PCDHGA9: variants seen among roughly 807,000 people sequenced by gnomAD.
PCDHGA9 encodes protocadherin gamma subfamily A, 9, also known as protocadherin gamma-A9.
PCDHGA9 carries 37 observed loss-of-function variants against 62.5 expected under a neutral mutation model. That is an observed-to-expected ratio of 0.59 (90% CI 0.46 to 0.78). The LOEUF is 0.78. PCDHGA9 is among the 30% of genes least tolerant of loss of function. The probability of loss-of-function intolerance (pLI) is 0.00; values close to 1 mark genes in which losing one functional copy is unlikely to be tolerated. For missense variants in PCDHGA9, 1,138 were observed against 1,166.2 expected, an observed-to-expected ratio of 0.98 and a Z score of 0.35; for synonymous variants, 459 against 484.6, an observed-to-expected ratio of 0.95 and a Z score of 0.69.
intron 1 of PCDHGA9, among the ~76,000 whole-genome samples, chr5:141,448,985 A>G (rs2098621528): frequency 6.6e-6 from 1 of 152,026 alleles, no homozygotes; most frequent in South Asian, 2.1e-4. Context: ...TTCCATATTA[A>G]TATATAGAAA....
At chr5:141,409,752 A>T in intron 1 of PCDHGA9, 3 of 1,613,020 alleles carry the variant, frequency 1.9e-6, no homozygotes, top group Non-Finnish European at 2.5e-6. Context: ...GTGTTCGCGC[A>T]GCGCGCCTTT....
At chr5:141,441,499 GCCT>G (rs1350774469) in intron 1 of PCDHGA9, 5 of 169,932 alleles carry the variant, frequency 2.9e-5, no homozygotes, top group African/African-American at 1.2e-4. Context: ...TTTCTACCAG[GCCT>G]CCTACGTCGT....
In PCDHGA9 at chr5:141,485,556, A is replaced by T; in HGVS notation, c.2425-9251A>T. On this transcript the variant is annotated intron_variant, in intron 1 of 3. Coordinates refer to ENST00000573521, the MANE Select transcript of PCDHGA9 (RefSeq NM_018921.3). This position sits in a 1 kb window ranked among gnomAD's most constrained non-coding sequence, Gnocchi z 5.7. ...GAGGTAGAGATCGTAGATGTGAATG[A>T]TCACGCCCCCCGTTTTCCGCGGCAG... is the stretch of plus-strand genomic sequence containing the variant. The T allele has an allele frequency of 6.2e-7, 1 of 1,613,664 alleles. No homozygotes were observed. Among genetic ancestry groups the T allele is most frequent in the Non-Finnish European group, 8.5e-7 (1 of 1,179,644 alleles).
At chr5:141,417,915 C>T in intron 1 of PCDHGA9, 1 of 1,603,354 alleles carries the variant, frequency 6.2e-7, no homozygotes. Flanking sequence ...GTACTATTTC[C>T]TTTGCTGCTG....
intron 1 of PCDHGA9, chr5:141,415,642 A>T (rs1418546981): frequency 6.0e-6 from 5 of 831,836 alleles, no homozygotes; most frequent in Middle Eastern, 2.6e-4. Flanking sequence ...TACTTTTGTT[A>T]AAAAAAAAAA....
In PCDHGA9 at chr5:141,477,650, A is replaced by G. The variant is rs199931735; in HGVS notation, c.2425-17157A>G. ...CGGGCTAGTGGGTCGCTATTTCACA[A>G]TAAATCGTGACAATGGCATAGTGTC... On this transcript the variant is annotated intron_variant, in intron 1 of 3. Transcript: ENST00000573521. This position sits in a 1 kb window ranked among gnomAD's most constrained non-coding sequence, Gnocchi z 4.9. The G allele has an allele frequency of 6.2e-6, 10 of 1,614,212 alleles. No individual in the cohort carries two copies. The highest frequency in any genetic ancestry group is 2.2e-5 in the East Asian group (1 of 44,888).
intron 1 of PCDHGA9, chr5:141,423,723 T>C: frequency 8.5e-7 from 1 of 1,174,478 alleles, no homozygotes; most frequent in Non-Finnish European, 1.1e-6. Context: ...TAAGGAGATG[T>C]TTTTTGAGCC....
At position 141,489,562 on chromosome 5, in the gene PCDHGA9, G is replaced by A. The variant is rs770734883; in HGVS notation, c.2425-5245G>A. ...CACCAGCTGCCTGCTGCCAGTGCAG[G>A]TGGTGACTGAACACCCCCTGGAGCT... On this transcript the variant is annotated intron_variant, in intron 1 of 3. Coordinates refer to ENST00000573521, the MANE Select transcript of PCDHGA9 (RefSeq NM_018921.3). The surrounding 1 kb of genome is among the most constrained non-coding windows in gnomAD (Gnocchi z 4.5). 2 of 1,614,114 alleles carry A rather than the reference G, an allele frequency of 1.2e-6. No homozygotes were observed. Among genetic ancestry groups the A allele is most frequent in the Non-Finnish European group, 1.7e-6 (2 of 1,180,028 alleles).
At chr5:141,506,898 T>C (rs2099857040) in intron 3 of PCDHGA9, among the ~76,000 whole-genome samples, 1 of 152,260 alleles carries the variant, frequency 6.6e-6, no homozygotes, top group East Asian at 1.9e-4. Context: ...AGAAGCACTG[T>C]CATCACACCT....
intron 1 of PCDHGA9, chr5:141,407,933 TG>T: frequency 2.0e-6 from 1 of 505,054 alleles, no homozygotes; most frequent in Non-Finnish European, 3.4e-6. Flanking sequence ...ACGGAGCCTC[TG>T]GGCGCCGCTG....
In PCDHGA9 at chr5:141,505,598, C is replaced by T. The variant is rs532473064; in HGVS notation, c.2572+117C>T. The T allele has an allele frequency of 1.4e-3, 2,157 of 1,556,732 alleles. 3 individuals are homozygous for T. Among genetic ancestry groups the T allele is most frequent in the Non-Finnish European group, 1.8e-3 (2,025 of 1,148,246 alleles). ...ACCTGTGTAGTTTCTCCAGATCTTT[C>T]GGCAGGTCTGAAAGGACCCACAATT... On this transcript the variant is annotated intron_variant, in intron 3 of 3. Coordinates refer to ENST00000573521, the MANE Select transcript of PCDHGA9 (RefSeq NM_018921.3).
intron 2 of PCDHGA9, among the ~76,000 whole-genome samples, chr5:141,502,428 A>C (rs2099814217): frequency 6.6e-6 from 1 of 151,978 alleles, no homozygotes; most frequent in South Asian, 2.1e-4. Flanking sequence ...CTATTCTCTG[A>C]TGGTTAGATT....
In PCDHGA9 at chr5:141,491,722, C is replaced by T. The variant is rs1276921909; in HGVS notation, c.2425-3085C>T. ...CCAGGTGAGGGGCTCGGCGCCGCCC[C>T]GGGCGACCCCTGGGGGCGGCACTGG... On this transcript the variant is annotated intron_variant, in intron 1 of 3. Coordinates refer to ENST00000573521, the MANE Select transcript of PCDHGA9 (RefSeq NM_018921.3). This position sits in a 1 kb window ranked among gnomAD's most constrained non-coding sequence, Gnocchi z 6.9. The T allele has an allele frequency of 6.2e-7, 1 of 1,607,004 alleles. No homozygotes were observed.
chr5:141,450,815 A>AT (rs1554136868), intron 1 of PCDHGA9, among the ~76,000 whole-genome samples: 4,329 of 126,688 alleles, frequency 0.034, 70 homozygotes, highest in Middle Eastern at 0.091. Flanking sequence ...TATTTATTTA[A>AT]TATTATTATT....
rs539905795 is a variant in PCDHGA9, at chr5:141,419,910, C to T, written c.2424+14534C>T. 1.5e-5 allele frequency: 25 copies of T among 1,614,086 alleles called. No individual in the cohort carries two copies. In the South Asian group the frequency reaches 2.4e-4, roughly 16 times the overall value. On this transcript the variant is annotated intron_variant, in intron 1 of 3. Coordinates refer to ENST00000573521, the MANE Select transcript of PCDHGA9 (RefSeq NM_018921.3). ...AGCGACCATCCCACACCCTCTGACT[C>T]CCAGGCTGAGATGCAGTTTTACCTG...
intron 1 of PCDHGA9, chr5:141,414,562 A>G (rs770740530): frequency 3.1e-6 from 5 of 1,613,924 alleles, no homozygotes; most frequent in Non-Finnish European, 4.2e-6. Context: ...CTCCTACTTT[A>G]CCTATATCCC....
chr5:141,506,737 C>T (rs893758261), intron 3 of PCDHGA9, among the ~76,000 whole-genome samples: 5 of 152,076 alleles, frequency 3.3e-5, no homozygotes, highest in African/African-American at 1.2e-4. Flanking sequence ...AGAATAATGC[C>T]TATTAATAAA....
chr5:141,424,127 A>T (rs901831932), intron 1 of PCDHGA9: 1 of 486,538 alleles, frequency 2.1e-6, no homozygotes, highest in African/African-American at 2.1e-5. Flanking sequence ...GATCCTGTTG[A>T]TTTAATAGCA....
At chr5:141,413,970 G>A in intron 1 of PCDHGA9, 1 of 1,613,450 alleles carries the variant, frequency 6.2e-7, no homozygotes, top group Non-Finnish European at 8.5e-7. Flanking sequence ...GCACTCAGCT[G>A]CTGACAGTCA....
Sources: gnomAD v4.1 joint callset for allele counts (sites outside exome capture counted in the v4.1 genomes callset) on GRCh38, gnomAD v4.1.1 for gene constraint, Gnocchi (gnomAD v3.1) non-coding constraint, MANE v1.5 for transcripts, NCBI Gene and HGNC (gene_info 2026-07-23, HGNC 2026-07-21) for gene names.